NKAIN1: variants seen among roughly 807,000 people sequenced by gnomAD.
NKAIN1 encodes the protein sodium/potassium-transporting ATPase subunit beta-1-interacting protein 1.
In NKAIN1, 13 loss-of-function variants were observed where a neutral mutation model predicts 31.6. That is an observed-to-expected ratio of 0.41 (90% CI 0.27 to 0.65). The LOEUF is 0.65. Among genes scored for constraint, NKAIN1 ranks in the 30% least tolerant of loss-of-function variants. The pLI is 0.30. For synonymous variants in NKAIN1, 104 were observed against 109.0 expected (o/e 0.95, Z 0.28); for missense variants, 193 against 262.2 (o/e 0.74, Z 1.82).
chr1:31,231,706 A>AT (rs71028750), intron 1 of NKAIN1, among the ~76,000 whole-genome samples: 149,338 of 151,774 alleles, frequency 0.98, 73,502 homozygotes, highest in Middle Eastern at 1. Context: ...AATTTTTTGT[A>AT]TTTTTAGTAG....
chr1:31,194,238 G>C (rs1354005739), intron 1 of NKAIN1, among the ~76,000 whole-genome samples: 1 of 152,088 alleles, frequency 6.6e-6, no homozygotes, highest in Non-Finnish European at 1.5e-5. Flanking sequence ...ATGTCACCCA[G>C]GCCTCACATC....
At position 31,181,146 on chromosome 1, in the gene NKAIN1, A is replaced by G. The variant is rs1035478088; in HGVS notation, c.*557T>C. ...TTGAGTTAAATGAGAAGTCTAAAAG[A>G]GTCCATTTGCTAAGGGATTAATTAC... On this transcript the variant is annotated 3_prime_UTR_variant, in exon 7 of 7. Coordinates refer to ENST00000373736, the MANE Select transcript of NKAIN1 (RefSeq NM_024522.3). 1 of 152,826 alleles carries G rather than the reference A, an allele frequency of 6.5e-6. No individual in the cohort carries two copies. Among genetic ancestry groups the G allele is most frequent in the African/African-American group, 2.4e-5 (1 of 41,486 alleles). 9.5% of individuals were successfully genotyped at this position (152,826 alleles called of 1,614,324 possible).
chr1:31,199,535 C>G (rs1009983462), intron 1 of NKAIN1, among the ~76,000 whole-genome samples: 2 of 152,050 alleles, frequency 1.3e-5, no homozygotes, highest in Non-Finnish European at 2.9e-5. Flanking sequence ...CTGGAAGGAC[C>G]CCTGAGATCT....
At position 31,215,184 on chromosome 1, in the gene NKAIN1, A is replaced by T. The variant is rs1467119437; in HGVS notation, c.54+24310T>A. On this transcript the variant is annotated intron_variant, in intron 1 of 6. Transcript: ENST00000373736. ...CAGTCTCACTGCTATGGCAACAGCAACCACTTCTGACTTCTCCTTCCGACT... is the reference window on the plus strand; with the variant it reads ...CAGTCTCACTGCTATGGCAACAGCATCCACTTCTGACTTCTCCTTCCGACT... Among the ~76,000 whole-genome samples, 12 of 152,206 alleles carry T rather than the reference A, an allele frequency of 7.9e-5. No homozygotes were observed. The South Asian group carries it at 2.5e-3, about 31-fold the overall frequency.
At position 31,181,611 on chromosome 1, in the gene NKAIN1, GCCACCAGGGGGACAC is replaced by G; in HGVS notation, c.*77_*91del. 7.9e-7 allele frequency: 1 copy of G among 1,266,610 alleles called. No homozygotes were observed. The highest frequency in any genetic ancestry group is 2.0e-5 in the South Asian group (1 of 50,004). 78.5% of individuals were successfully genotyped at this position (1,266,610 alleles called of 1,614,324 possible). On this transcript the variant is annotated 3_prime_UTR_variant, in exon 7 of 7. Transcript: ENST00000373736. ...GGCACAGGCTGCAGTGAGCGCGCGG[GCCACCAGGGGGACAC>G]GCCTGCGCCTTGGCCCGAGCTCGCG...
rs549395110 is a variant in NKAIN1, at chr1:31,181,690, C to G, written c.*13G>C. ...GCCCAGGGCGAGGCGCCGGGGTGGG[C>G]GCGGGGCAGAGGCTACCCCGACCTG... On this transcript the variant is annotated 3_prime_UTR_variant, in exon 7 of 7. Transcript: ENST00000373736. The G allele has an allele frequency of 2.1e-6, 3 of 1,460,460 alleles. No individual in the cohort carries two copies. In the South Asian group the frequency reaches 4.3e-5, roughly 21 times the overall value. The allele number at this position is 1,460,460 out of a possible 1,614,324, so 90.5% of individuals were successfully genotyped here. A position where few individuals can be genotyped will look rare whatever the true frequency, so the allele number is the denominator to read the frequency against.
At chr1:31,185,089 G>A (rs1645232400) in intron 3 of NKAIN1, 158 bp downstream of exon 3, 5 of 634,114 alleles carry the variant, frequency 7.9e-6, no homozygotes, top group Non-Finnish European at 1.4e-5. Flanking sequence ...GAAATAAATT[G>A]TGTAAGTAGG....
At chr1:31,225,033 C>CTTTTTTTTTTTTT (rs1553163963) in intron 1 of NKAIN1, among the ~76,000 whole-genome samples, 4 of 112,130 alleles carry the variant, frequency 3.6e-5, no homozygotes, top group South Asian at 3.0e-4. Flanking sequence ...CTTTTCTTTT[C>CTTTTTTTTTTTTT]TTTTTTTTTT....
chr1:31,219,361 G>A (rs914096358), intron 1 of NKAIN1, among the ~76,000 whole-genome samples: 3 of 152,268 alleles, frequency 2.0e-5, no homozygotes, highest in East Asian at 3.8e-4. Context: ...AGCAGCTGGC[G>A]CTGTCTATGG....
intron 1 of NKAIN1, among the ~76,000 whole-genome samples, chr1:31,198,367 A>G: frequency 6.6e-6 from 1 of 152,150 alleles, no homozygotes; most frequent in East Asian, 1.9e-4. Flanking sequence ...CCAATGACTC[A>G]GTGAACAGCT....
intron 1 of NKAIN1, among the ~76,000 whole-genome samples, chr1:31,234,066 T>C (rs565425950): frequency 6.1e-4 from 93 of 152,350 alleles, no homozygotes; most frequent in African/African-American, 2.1e-3. Context: ...CCTGGAGGCC[T>C]TCTTCTCCAT....
At chr1:31,225,678 T>C (rs72659270) in intron 1 of NKAIN1, among the ~76,000 whole-genome samples, 109 of 151,856 alleles carry the variant, frequency 7.2e-4, no homozygotes, top group Non-Finnish European at 1.4e-3. Flanking sequence ...AGGGTGGAGG[T>C]GATGTGTGAG....
chr1:31,223,103 G>A (rs916436112), intron 1 of NKAIN1, among the ~76,000 whole-genome samples: 5 of 152,238 alleles, frequency 3.3e-5, no homozygotes, highest in East Asian at 1.9e-4. Flanking sequence ...ACGGCCAGGC[G>A]CGGCGGCTCA....
At chr1:31,181,985 C>A (rs1421163569) in intron 5 of NKAIN1, 44 bp from the exon 6 acceptor site, 1 of 1,557,358 alleles carries the variant, frequency 6.4e-7, no homozygotes, top group East Asian at 2.3e-5. Context: ...GCGGCGGGGG[C>A]GAGGAGAGGG....
At chr1:31,194,767 CTTTT>C (rs35385145) in intron 1 of NKAIN1, among the ~76,000 whole-genome samples, 8 of 99,398 alleles carry the variant, frequency 8.0e-5, no homozygotes, top group African/African-American at 3.5e-4. Flanking sequence ...CTCTCTCTCT[CTTTT>C]TTTTTTTTTT....
At chr1:31,191,908 T>G (rs962902461) in intron 1 of NKAIN1, among the ~76,000 whole-genome samples, 1 of 152,202 alleles carries the variant, frequency 6.6e-6, no homozygotes, top group Non-Finnish European at 1.5e-5. Flanking sequence ...CCTTAGTAGC[T>G]GGGACTACAG....
At chr1:31,205,613 G>GTTTTT (rs761138403) in intron 1 of NKAIN1, among the ~76,000 whole-genome samples, 53 of 96,514 alleles carry the variant, frequency 5.5e-4, no homozygotes, top group Non-Finnish European at 7.9e-4. Flanking sequence ...AGCCGGACAA[G>GTTTTT]TTTTTTTTTT....
At chr1:31,207,634 T>G (rs934185893) in intron 1 of NKAIN1, among the ~76,000 whole-genome samples, 1 of 152,108 alleles carries the variant, frequency 6.6e-6, no homozygotes, top group African/African-American at 2.4e-5. Context: ...GAAGCATTCA[T>G]GGGCACTGAC....
At chr1:31,202,998 G>A (rs2148356151) in intron 1 of NKAIN1, among the ~76,000 whole-genome samples, 1 of 120,982 alleles carries the variant, frequency 8.3e-6, no homozygotes. Context: ...AAAAGGCCAG[G>A]GGCAGTGGCT....
Sources: gnomAD v4.1 joint callset for allele counts (sites outside exome capture counted in the v4.1 genomes callset) on GRCh38, gnomAD v4.1.1 for gene constraint, MANE v1.5 for transcripts, NCBI Gene and HGNC (gene_info 2026-07-23, HGNC 2026-07-21) for gene names.